PTPRN2: variants seen among roughly 807,000 people sequenced by gnomAD.
PTPRN2 encodes protein tyrosine phosphatase receptor type N2.
PTPRN2 carries 74 observed loss-of-function variants against 118.8 expected under a neutral mutation model. The ratio of observed to expected loss-of-function variants is 0.62; its 90% confidence interval spans 0.52 to 0.76. The LOEUF (loss-of-function observed/expected upper bound fraction) is 0.76. Among genes scored for constraint, PTPRN2 ranks in the 30% least tolerant of loss-of-function variants. The pLI is 0.00. For missense variants in PTPRN2, 1,481 were observed against 1,394.4 expected (o/e 1.06, Z -0.99); for synonymous variants, 641 against 608.0 (o/e 1.05, Z -0.80).
At position 157,985,406 on chromosome 7, in the gene PTPRN2, T is replaced by C. The variant is rs549339165; in HGVS notation, c.1724-86669A>G. Among the ~76,000 whole-genome samples, 3 of 152,274 alleles carry C rather than the reference T, an allele frequency of 2.0e-5. No homozygotes were observed. The South Asian group carries it at 6.2e-4, about 32-fold the overall frequency. The stretch of plus-strand genomic sequence containing the variant: ...TGTGTGTGTGGTGTGCCTTCACAAG[T>C]AATTTCTATGGAAAACAGCCGTCAG... On this transcript the variant is annotated intron_variant, in intron 11 of 22. Coordinates refer to ENST00000389418, the MANE Select transcript of PTPRN2 (RefSeq NM_002847.5).
At chr7:157,686,691 G>C (rs368831776) in intron 12 of PTPRN2, among the ~76,000 whole-genome samples, 1 of 152,182 alleles carries the variant, frequency 6.6e-6, no homozygotes, top group African/African-American at 2.4e-5. Context: ...TTACAGTCAG[G>C]CGTTTTTGAA....
intron 12 of PTPRN2, among the ~76,000 whole-genome samples, chr7:157,689,196 C>T (rs1797348763): frequency 6.6e-6 from 1 of 152,252 alleles, no homozygotes; most frequent in South Asian, 2.1e-4. Flanking sequence ...CTTCCAGCTC[C>T]CTCCTCCGCA....
At chr7:158,147,888 G>A (rs111908150) in intron 6 of PTPRN2, among the ~76,000 whole-genome samples, 12 of 71,334 alleles carry the variant, frequency 1.7e-4, no homozygotes, top group African/African-American at 3.8e-4. Flanking sequence ...CTCACGCCAC[G>A]TGTCTTTCCC....
chr7:157,574,847 C>T (rs1337164128), intron 19 of PTPRN2, among the ~76,000 whole-genome samples: 1 of 152,246 alleles, frequency 6.6e-6, no homozygotes, highest in Non-Finnish European at 1.5e-5. Flanking sequence ...AATGTGTTCG[C>T]TCAAACCCAC....
chr7:158,586,101 G>A (rs1477755568), intron 1 of PTPRN2, among the ~76,000 whole-genome samples: 2 of 152,216 alleles, frequency 1.3e-5, no homozygotes, highest in African/African-American at 4.8e-5. Flanking sequence ...ACATCCCAGA[G>A]GTGCGGGACC....
chr7:158,291,465 C>A (rs964637595), intron 3 of PTPRN2, among the ~76,000 whole-genome samples: 1 of 152,242 alleles, frequency 6.6e-6, no homozygotes, highest in African/African-American at 2.4e-5. Context: ...TCCCCTCCCC[C>A]AATTGTTATA....
intron 2 of PTPRN2, among the ~76,000 whole-genome samples, chr7:158,370,842 A>C (rs557033107): frequency 6.6e-6 from 1 of 152,218 alleles, no homozygotes; most frequent in Non-Finnish European, 1.5e-5. Flanking sequence ...GAATACAAAA[A>C]AACTTCCACT....
intron 6 of PTPRN2, among the ~76,000 whole-genome samples, chr7:158,144,430 G>C (rs1819694799): frequency 6.6e-6 from 1 of 152,216 alleles, no homozygotes; most frequent in Non-Finnish European, 1.5e-5. Context: ...TTGAGCCTAG[G>C]AGTTGGAGAC....
At chr7:158,068,054 A>G (rs930636989) in intron 11 of PTPRN2, among the ~76,000 whole-genome samples, 1 of 152,154 alleles carries the variant, frequency 6.6e-6, no homozygotes, top group Non-Finnish European at 1.5e-5. Context: ...GGAGGAAGGC[A>G]GGCATGCTGG....
Position 157,571,508 on chromosome 7 carries a change from G to A in PTPRN2, c.2784-15C>T, listed in dbSNP as rs1342993531. 6.9e-6 allele frequency: 11 copies of A among 1,593,400 alleles called. No individual in the cohort carries two copies. Among genetic ancestry groups the A allele is most frequent in the Non-Finnish European group, 9.4e-6 (11 of 1,165,104 alleles). On this transcript the variant is annotated splice_polypyrimidine_tract_variant and intron_variant, in intron 19 of 22. Coordinates refer to ENST00000389418, the MANE Select transcript of PTPRN2 (RefSeq NM_002847.5). ...TGTTTACTTTTCTGAAATAAAAAGA[G>A]ATATAAAAATTATCGTTGTGTACTA...
At chr7:158,237,950 G>A (rs1563021239) in intron 3 of PTPRN2, among the ~76,000 whole-genome samples, 2 of 152,328 alleles carry the variant, frequency 1.3e-5, no homozygotes, top group East Asian at 3.9e-4. Flanking sequence ...CTGCCATGGA[G>A]ATACACACAG....
chr7:157,620,277 C>T (rs938481204), intron 15 of PTPRN2, among the ~76,000 whole-genome samples: 3 of 152,174 alleles, frequency 2.0e-5, no homozygotes, highest in East Asian at 1.9e-4. Flanking sequence ...TGGACGCCAG[C>T]GCCGGGCAGT....
chr7:158,319,418 CCACACA>C lies in PTPRN2; in HGVS notation c.164-2492_164-2487del, dbSNP rs1213487193. 1.2e-3 allele frequency among the ~76,000 whole-genome samples: 105 copies of C among 88,212 alleles called. 8 individuals carry two copies. The highest frequency in any genetic ancestry group is 4.1e-3 in the African/African-American group (82 of 19,884). The allele number at this position is 88,212 out of a possible 152,430, so 57.9% of individuals were successfully genotyped here. On this transcript the variant is annotated intron_variant, in intron 2 of 22. Coordinates refer to ENST00000389418, the MANE Select transcript of PTPRN2 (RefSeq NM_002847.5). ...GCCTCCCACACACACACACAGCCTCCCACACACACACACACACAGCCTCCCTCACAC... is the reference window on the plus strand; with the variant it reads ...GCCTCCCACACACACACACAGCCTCCCACACACACACAGCCTCCCTCACAC...
chr7:158,054,377 C>A (rs1419753308), intron 11 of PTPRN2, among the ~76,000 whole-genome samples: 7 of 152,326 alleles, frequency 4.6e-5, no homozygotes, highest in Middle Eastern at 3.4e-3. Flanking sequence ...AGAAAGGCCA[C>A]ACCCTTTCTG....
intron 12 of PTPRN2, among the ~76,000 whole-genome samples, chr7:157,701,797 G>A (rs968197031): frequency 1.3e-5 from 2 of 150,324 alleles, no homozygotes; most frequent in East Asian, 2.0e-4. Context: ...TAAGAGAGCC[G>A]GGTAGGTGCT....
Position 158,071,603 on chromosome 7 carries a change from GGAGGTGCTC to G in PTPRN2, c.1723+9686_1723+9694del, listed in dbSNP as rs1277156341. On this transcript the variant is annotated intron_variant, in intron 11 of 22. Coordinates refer to ENST00000389418, the MANE Select transcript of PTPRN2 (RefSeq NM_002847.5). ...TGCTCCTGGTGGAGGTGCTCCTGGT[GGAGGTGCTC>G]GTGGTGGAGGTGCTCGTGGTGGTGG... Among the ~76,000 whole-genome samples, 146 of 112,642 alleles carry G rather than the reference GGAGGTGCTC, an allele frequency of 1.3e-3. 4 individuals carry two copies. Among genetic ancestry groups the G allele is most frequent in the African/African-American group, 2.5e-3 (80 of 31,770 alleles). 73.9% of individuals were successfully genotyped at this position (112,642 alleles called of 152,430 possible).
At chr7:158,245,671 A>G (rs1796200190) in intron 3 of PTPRN2, among the ~76,000 whole-genome samples, 1 of 152,122 alleles carries the variant, frequency 6.6e-6, no homozygotes, top group Admixed American at 6.5e-5. Context: ...CCAAATTCGC[A>G]TGGATGGGAG....
chr7:158,555,343 C>A lies in PTPRN2; in HGVS notation c.112+32215G>T, dbSNP rs1586932712. ...CAGGAGAAGGCGGCACCAAGCCCAG[C>A]GTCGAACGAAGCAGGTCCTTCTCCC... On this transcript the variant is annotated intron_variant, in intron 1 of 22. Coordinates refer to ENST00000389418, the MANE Select transcript of PTPRN2 (RefSeq NM_002847.5). The surrounding 1 kb of genome is among the most constrained non-coding windows in gnomAD (Gnocchi z 4.7). 6.6e-6 allele frequency among the ~76,000 whole-genome samples: 1 copy of A among 152,168 alleles called. No homozygotes were observed.
At chr7:158,551,109 G>A (rs1463333879) in intron 1 of PTPRN2, among the ~76,000 whole-genome samples, 6 of 152,374 alleles carry the variant, frequency 3.9e-5, no homozygotes, top group Admixed American at 2.0e-4. Context: ...TGCAACAACC[G>A]ACACTCGCTT....
Sources: gnomAD v4.1 joint callset for allele counts (sites outside exome capture counted in the v4.1 genomes callset) on GRCh38, gnomAD v4.1.1 for gene constraint, Gnocchi (gnomAD v3.1) non-coding constraint, MANE v1.5 for transcripts, NCBI Gene and HGNC (gene_info 2026-07-23, HGNC 2026-07-21) for gene names.